The following ATG13 variants were observed in gnomAD, a reference collection of about 807,000 sequenced individuals.
ATG13 encodes autophagy-related protein 13.
A neutral mutation model predicts 65.5 loss-of-function variants in ATG13; 23 were observed. The observed-to-expected ratio is 0.35, with a 90% confidence interval of 0.25 to 0.50. The LOEUF (loss-of-function observed/expected upper bound fraction) is 0.50, where lower values mean the gene tolerates loss of function less well. Ranked by LOEUF, ATG13 falls within the 20% of genes least tolerant of loss-of-function variation. The pLI is 0.98. For missense variants in ATG13, 566 were observed against 677.0 expected, an observed-to-expected ratio of 0.84 and a Z score of 1.82; for synonymous variants, 252 against 245.2, an observed-to-expected ratio of 1.03 and a Z score of -0.26.
chr11:46,659,696 C>G, intron 11 of ATG13: 1 of 450,306 alleles, frequency 2.2e-6, no homozygotes, highest in East Asian at 3.6e-5. Flanking sequence ...ACATTTAGCC[C>G]TTACCTTCCT....
intron 5 of ATG13, among the ~76,000 whole-genome samples, chr11:46,646,196 T>C (rs1033340353): frequency 6.6e-6 from 1 of 152,232 alleles, no homozygotes; most frequent in African/African-American, 2.4e-5. Context: ...TCGCCCAGGC[T>C]GGAGTGCAGT....
At chr11:46,657,326 G>T in intron 9 of ATG13, 135 bp downstream of exon 9, 1 of 967,982 alleles carries the variant, frequency 1.0e-6, no homozygotes, top group East Asian at 2.6e-5. Flanking sequence ...AGAGAGTGCA[G>T]TTGCCAGATT....
chr11:46,660,780 G>A (rs2061024405), intron 11 of ATG13, among the ~76,000 whole-genome samples: 1 of 151,020 alleles, frequency 6.6e-6, no homozygotes, highest in Non-Finnish European at 1.5e-5. Flanking sequence ...GCAGTCATGG[G>A]TCACTGCAGC....
At chr11:46,653,282 C>T (rs375923523) in intron 7 of ATG13, among the ~76,000 whole-genome samples, 3 of 147,422 alleles carry the variant, frequency 2.0e-5, no homozygotes, top group African/African-American at 5.0e-5. Flanking sequence ...AAGTGATTGT[C>T]GTGCCTCAGC....
At chr11:46,622,360 G>A (rs544428711) in intron 1 of ATG13, among the ~76,000 whole-genome samples, 1 of 151,516 alleles carries the variant, frequency 6.6e-6, no homozygotes, top group Non-Finnish European at 1.5e-5. Context: ...CTCGTGATCC[G>A]CCTGCCTCGG....
At chr11:46,644,131 T>G in intron 2 of ATG13, 148 bp from the exon 3 acceptor site, 1 of 512,046 alleles carries the variant, frequency 2.0e-6, no homozygotes, top group Non-Finnish European at 3.3e-6. Flanking sequence ...TATTTTTCAC[T>G]TTGGTATCTT....
intron 8 of ATG13, chr11:46,656,847 C>T (rs1201446832): frequency 4.2e-6 from 2 of 481,370 alleles, no homozygotes; most frequent in Non-Finnish European, 7.3e-6. Flanking sequence ...AAATAGAGTG[C>T]TGTTTCCCTT....
rs1231549387 is a variant in ATG13, at chr11:46,674,245, CTG to C, written c.*1916_*1917del. The C allele has an allele frequency of 2.0e-5, 3 of 152,256 alleles. No individual in the cohort carries two copies. Among genetic ancestry groups the C allele is most frequent in the Admixed American group, 6.5e-5 (1 of 15,282 alleles). 9.4% of individuals were successfully genotyped at this position (152,256 alleles called of 1,614,324 possible). ...CAGCAGCCTTTCACCAGGGCTCCAT[CTG>C]TGAAGAGTCTCAGCCATGACTTTGA... On this transcript the variant is annotated 3_prime_UTR_variant, in exon 19 of 19. Coordinates refer to ENST00000683050, the MANE Select transcript of ATG13 (RefSeq NM_001346311.2).
chr11:46,643,532 A>C lies in ATG13; in HGVS notation c.-13-747A>C, dbSNP rs187105733. Among the ~76,000 whole-genome samples the C allele has an allele frequency of 7.2e-5, 11 of 151,986 alleles. No individual in the cohort carries two copies. The East Asian group carries it at 1.9e-3, about 27-fold the overall frequency. ...AAACCTAATTTGCTCTGTATTGTTTATACCTCTTTGTTCATGCTCGTCTCT... is the reference window on the plus strand; with the variant it reads ...AAACCTAATTTGCTCTGTATTGTTTCTACCTCTTTGTTCATGCTCGTCTCT... On this transcript the variant is annotated intron_variant, in intron 2 of 18. Transcript: ENST00000683050.
At chr11:46,639,497 T>TA (rs2055148177) in intron 2 of ATG13, among the ~76,000 whole-genome samples, 1 of 152,132 alleles carries the variant, frequency 6.6e-6, no homozygotes, top group African/African-American at 2.4e-5. Context: ...TCTTTATATA[T>TA]ATATATATTG....
Position 46,658,157 on chromosome 11 carries a change from A to G in ATG13, c.695+535A>G, listed in dbSNP as rs188300429. Among the ~76,000 whole-genome samples the G allele has an allele frequency of 4.2e-4, 64 of 152,304 alleles. 1 individual carries two copies. Among genetic ancestry groups the G allele is most frequent in the Admixed American group, 3.1e-3 (47 of 15,294 alleles). ...ATTTGTGGAATATCCTTGACAAATTAATTGGTTTTCAGGTTACCATCTGGC... is the reference window on the plus strand; with the variant it reads ...ATTTGTGGAATATCCTTGACAAATTGATTGGTTTTCAGGTTACCATCTGGC... On this transcript the variant is annotated intron_variant, in intron 10 of 18. Coordinates refer to ENST00000683050, the MANE Select transcript of ATG13 (RefSeq NM_001346311.2).
intron 1 of ATG13, among the ~76,000 whole-genome samples, chr11:46,622,021 C>CA (rs1387329652): frequency 2.3e-4 from 33 of 141,072 alleles, no homozygotes; most frequent in African/African-American, 7.8e-4. Flanking sequence ...GAACTGACAG[C>CA]ATCAGTTCAG....
rs562458680 is a variant in ATG13, at chr11:46,656,203, G to A, written c.459-30G>A. On this transcript the variant is annotated intron_variant, in intron 7 of 18. Transcript: ENST00000683050. The stretch of plus-strand genomic sequence containing the variant: ...GAGGCCCTTAGGAGTAAAGAATCAG[G>A]TAACATTTCTTATTTTTTCTTCCAT... The A allele has an allele frequency of 8.1e-6, 13 of 1,602,802 alleles. No individual in the cohort carries two copies. The East Asian group carries it at 2.9e-4, about 36-fold the overall frequency.
Position 46,665,440 on chromosome 11 carries a change from G to C in ATG13, c.1057G>C (p.Gly353Arg). Residue 353 changes from glycine to arginine, a missense_variant, in exon 14 of 19, where the codon GGT becomes CGT. By Grantham distance (125) the Gly-to-Arg change is moderately radical. Transcript: ENST00000683050. Reference protein sequence around the residue: ...VPLAPNQPVHGTQADQERLAT... With the variant: ...VPLAPNQPVHRTQADQERLAT... The stretch of plus-strand genomic sequence containing the variant: ...CCTTGCTCCCAACCAGCCTGTCCAT[G>C]GTACCCAGGCTGACCAGGAGAGACT... The C allele has an allele frequency of 6.2e-7, 1 of 1,614,190 alleles. No homozygotes were observed. Among genetic ancestry groups the C allele is most frequent in the South Asian group, 1.1e-5 (1 of 91,086 alleles).
At chr11:46,623,151 G>A (rs554921010) in intron 1 of ATG13, among the ~76,000 whole-genome samples, 87 of 151,950 alleles carry the variant, frequency 5.7e-4, no homozygotes, top group African/African-American at 2.0e-3. Flanking sequence ...AAAATTAGCC[G>A]TGTGTGGTGG....
chr11:46,664,283 G>A, intron 12 of ATG13, 188 bp downstream of exon 12: 1 of 525,352 alleles, frequency 1.9e-6, no homozygotes, highest in Non-Finnish European at 3.3e-6. Flanking sequence ...ATTTTCATCT[G>A]CCCCTCCTCC....
intron 2 of ATG13, among the ~76,000 whole-genome samples, chr11:46,633,003 A>AAAAT (rs1261200980): frequency 1.7e-3 from 148 of 89,138 alleles, no homozygotes; most frequent in African/African-American, 2.2e-3. Flanking sequence ...ATTAAAAAAA[A>AAAAT]ATATATATAT....
At chr11:46,670,071 G>A (rs2063345346) in intron 18 of ATG13, among the ~76,000 whole-genome samples, 1 of 152,162 alleles carries the variant, frequency 6.6e-6, no homozygotes, top group African/African-American at 2.4e-5. Context: ...CAAACTGGGT[G>A]CCCCATGCCA....
At chr11:46,668,688 C>A in intron 16 of ATG13, 106 bp from the exon 17 acceptor site, 8 of 1,490,822 alleles carry the variant, frequency 5.4e-6, no homozygotes, top group Non-Finnish European at 7.5e-6. Context: ...CCTCGGCTTA[C>A]GGGTTTGTAG....
Sources: allele counts gnomAD v4.1 joint callset (sites outside exome capture counted in the v4.1 genomes callset), GRCh38; gene constraint gnomAD v4.1.1; transcripts MANE v1.5; gene names NCBI Gene and HGNC (gene_info 2026-07-23, HGNC 2026-07-21).